Variants in SLC22A24 observed in about 807,000 individuals in gnomAD.
SLC22A24 encodes solute carrier family 22 member 24, also known as steroid transmembrane transporter SLC22A24.
In SLC22A24, 53 loss-of-function variants were observed where a neutral mutation model predicts 49.8. That is an observed-to-expected ratio of 1.06 (90% CI 0.85 to 1.34). SLC22A24 has a LOEUF of 1.34. Among genes scored for constraint, SLC22A24 ranks in the 40% most tolerant of loss-of-function variants. The probability of loss-of-function intolerance (pLI) is 0.00; values close to 1 mark genes in which losing one functional copy is unlikely to be tolerated. For missense variants in SLC22A24, 786 were observed against 675.9 expected, an observed-to-expected ratio of 1.16 and a Z score of -1.81; for synonymous variants, 302 against 256.4, an observed-to-expected ratio of 1.18 and a Z score of -1.70.
intron 2 of SLC22A24, among the ~76,000 whole-genome samples, chr11:63,133,946 A>C (rs79511489): frequency 0.06 from 9,135 of 152,252 alleles, 902 homozygotes; most frequent in African/African-American, 0.21. Context: ...TGCCCACTCC[A>C]TTCTAGGTTC....
intron 2 of SLC22A24, among the ~76,000 whole-genome samples, chr11:63,125,504 T>C (rs976267926): frequency 6.6e-6 from 1 of 152,210 alleles, no homozygotes; most frequent in African/African-American, 2.4e-5. Context: ...TTTTTATGGC[T>C]GCATAGTATT....
chr11:63,130,448 G>C (rs1156722061), intron 2 of SLC22A24, among the ~76,000 whole-genome samples: 1 of 152,078 alleles, frequency 6.6e-6, no homozygotes, highest in Non-Finnish European at 1.5e-5. Context: ...TTTTTCTTGT[G>C]TCTCTGTCAG....
chr11:63,118,614 A>G, intron 4 of SLC22A24: 1 of 554,192 alleles, frequency 1.8e-6, no homozygotes. Flanking sequence ...CCATCACATA[A>G]TATTCCAAAA....
At chr11:63,117,286 G>A (rs181209733) in intron 4 of SLC22A24, among the ~76,000 whole-genome samples, 3 of 152,086 alleles carry the variant, frequency 2.0e-5, no homozygotes, top group Non-Finnish European at 2.9e-5. Context: ...TTTTGTTAAC[G>A]AATTCTGTAA....
chr11:63,118,017 G>A (rs1215880174), intron 4 of SLC22A24, among the ~76,000 whole-genome samples: 1 of 152,140 alleles, frequency 6.6e-6, no homozygotes, highest in African/African-American at 2.4e-5. Flanking sequence ...CAAAACATTT[G>A]TCAGTAAATA....
At chr11:63,111,918 T>C (rs2087168328) in intron 4 of SLC22A24, among the ~76,000 whole-genome samples, 2 of 151,996 alleles carry the variant, frequency 1.3e-5, no homozygotes, top group African/African-American at 2.4e-5. Context: ...CTCTTGCTTT[T>C]CTAGTTCTTT....
rs374669643 is a variant in SLC22A24 at position 63,098,744 on chromosome 11, G to A, written c.955-2638C>T. On this transcript the variant is annotated intron_variant, in intron 5 of 9. Coordinates refer to ENST00000612278, the MANE Select transcript of SLC22A24 (RefSeq NM_001136506.2). ...GTGTCTTACAGAATTAGAAAAACAA[G>A]GGCAAACCAAACCCCCAAAATAGTA... Among the ~76,000 whole-genome samples the A allele has an allele frequency of 2.0e-5, 3 of 151,802 alleles. No individual in the cohort carries two copies. The East Asian group carries it at 5.8e-4, about 29-fold the overall frequency.
intron 4 of SLC22A24, among the ~76,000 whole-genome samples, chr11:63,106,558 G>A (rs1012473580): frequency 6.6e-6 from 1 of 152,134 alleles, no homozygotes; most frequent in Admixed American, 6.5e-5. Flanking sequence ...GTGTAAAAGT[G>A]TTCCTATTTC....
At chr11:63,113,249 C>CATAT (rs1555048958) in intron 4 of SLC22A24, among the ~76,000 whole-genome samples, 1 of 137,566 alleles carries the variant, frequency 7.3e-6, no homozygotes, top group African/African-American at 2.9e-5. Flanking sequence ...TATATACACA[C>CATAT]ATACACACAC....
At chr11:63,129,114 A>G (rs929133524) in intron 2 of SLC22A24, among the ~76,000 whole-genome samples, 3 of 152,182 alleles carry the variant, frequency 2.0e-5, no homozygotes, top group African/African-American at 7.2e-5. Flanking sequence ...GTTAGGTCTT[A>G]CATTTAAGTC....
chr11:63,139,143 CT>C (rs1173523560), intron 1 of SLC22A24, among the ~76,000 whole-genome samples: 20 of 152,080 alleles, frequency 1.3e-4, no homozygotes, highest in African/African-American at 3.9e-4. Context: ...CTGGAAAAAG[CT>C]TTTTTCTTCT....
At chr11:63,125,078 A>C (rs986943551) in intron 2 of SLC22A24, among the ~76,000 whole-genome samples, 1 of 151,668 alleles carries the variant, frequency 6.6e-6, no homozygotes, top group Non-Finnish European at 1.5e-5. Context: ...CATTGTGCAC[A>C]TGTACCCTAA....
chr11:63,116,931 T>C (rs574986590), intron 4 of SLC22A24, among the ~76,000 whole-genome samples: 2 of 151,968 alleles, frequency 1.3e-5, no homozygotes, highest in South Asian at 4.2e-4. Flanking sequence ...CTTTTAAACA[T>C]TTCCATCTTC....
At chr11:63,135,107 G>A (rs2087364472) in intron 1 of SLC22A24, among the ~76,000 whole-genome samples, 2 of 151,842 alleles carry the variant, frequency 1.3e-5, no homozygotes, top group South Asian at 4.2e-4. Flanking sequence ...ATAATTAAAA[G>A]CACATAAAAA....
chr11:63,137,883 G>A lies in SLC22A24; in HGVS notation c.403-3115C>T, dbSNP rs570561573. The A allele has an allele frequency of 1.6e-4, 24 of 152,330 alleles. No homozygotes were observed. The South Asian group carries it at 3.9e-3, about 25-fold the overall frequency. 9.4% of individuals were successfully genotyped at this position (152,330 alleles called of 1,614,324 possible). Reference sequence around the variant, plus strand: ...CCTGATATACCAGCAAAAAGGGTAAGAAATTCTTACTGGCCAAGTTTCTGG... The same window carrying A: ...CCTGATATACCAGCAAAAAGGGTAAAAAATTCTTACTGGCCAAGTTTCTGG... On this transcript the variant is annotated intron_variant, in intron 1 of 9. Transcript: ENST00000612278.
chr11:63,135,665 C>T (rs938059983), intron 1 of SLC22A24, among the ~76,000 whole-genome samples: 5 of 152,136 alleles, frequency 3.3e-5, no homozygotes, highest in Non-Finnish European at 5.9e-5. Flanking sequence ...TGACTTATTA[C>T]TTGCTGTTTA....
In SLC22A24 at chr11:63,081,620, A is replaced by C. The variant is rs1198829903; in HGVS notation, c.1332T>G (p.Ser444Arg). The stretch of plus-strand genomic sequence containing the variant: ...AAGCACTGTTGCTAGCAGCAGAAAC[A>C]CTACCAATTCCCAAAGTTGCTAAAA... Reference protein sequence around the residue: ...RVVLATLGIGSVSAASNSASV... With the variant: ...RVVLATLGIGRVSAASNSASV... The change falls in exon 8 of 10, where the codon AGT becomes AGG. Residue 444 changes from serine (S) to arginine (R), a missense_variant. By Grantham distance (110) the Ser-to-Arg change is moderately radical. Coordinates refer to ENST00000612278, the MANE Select transcript of SLC22A24 (RefSeq NM_001136506.2). 1 of 1,551,514 alleles carries C rather than the reference A, an allele frequency of 6.4e-7. No individual in the cohort carries two copies. Among genetic ancestry groups the C allele is most frequent in the Non-Finnish European group, 8.7e-7 (1 of 1,146,914 alleles).
intron 4 of SLC22A24, among the ~76,000 whole-genome samples, chr11:63,110,644 C>G (rs554103362): frequency 7.5e-6 from 1 of 133,862 alleles, no homozygotes; most frequent in East Asian, 2.1e-4. Flanking sequence ...ATTTGGCTCT[C>G]TGTTTGTCTG....
At chr11:63,129,354 T>A (rs183276545) in intron 2 of SLC22A24, among the ~76,000 whole-genome samples, 1 of 152,348 alleles carries the variant, frequency 6.6e-6, no homozygotes, top group East Asian at 1.9e-4. Flanking sequence ...TTGGTACCCG[T>A]ACCATGCTGT....
Sources: allele counts gnomAD v4.1 joint callset (sites outside exome capture counted in the v4.1 genomes callset), GRCh38; gene constraint gnomAD v4.1.1; transcripts MANE v1.5; gene names NCBI Gene and HGNC (gene_info 2026-07-23, HGNC 2026-07-21).